COL21A1: variants seen among roughly 807,000 people sequenced by gnomAD.
COL21A1 encodes the protein collagen alpha-1(XXI) chain.
A neutral mutation model predicts 137.9 loss-of-function variants in COL21A1; 149 were observed. That is an observed-to-expected ratio of 1.08 (90% confidence interval 0.95 to 1.24). The LOEUF is 1.24. Ranked by LOEUF, COL21A1 falls within the 50% of genes most tolerant of loss-of-function variation. COL21A1 has a pLI of 0.00. For synonymous variants in COL21A1, 456 were observed against 391.5 expected (o/e 1.16, Z -1.95); for missense variants, 1,167 against 1,158.4 (o/e 1.01, Z -0.11).
At chr6:56,078,333 G>C (rs1767425825) in intron 17 of COL21A1, 1 of 409,686 alleles carries the variant, frequency 2.4e-6, no homozygotes, top group Admixed American at 2.8e-5. Flanking sequence ...AACAGTGATT[G>C]TACTAATCAA....
At position 56,164,510 on chromosome 6, in the gene COL21A1, T is replaced by C. The variant is rs1776425845; in HGVS notation, c.1288-4A>G. On this transcript the variant is annotated splice_polypyrimidine_tract_variant and splice_region_variant and intron_variant, in intron 8 of 29. Coordinates refer to ENST00000244728, the MANE Select transcript of COL21A1 (RefSeq NM_030820.4). Reference sequence around the variant, plus strand: ...CATCACTGGGACCATTAAGGCACTATAAAGACAAAAATGGAAACAGACAAC... The same window carrying C: ...CATCACTGGGACCATTAAGGCACTACAAAGACAAAAATGGAAACAGACAAC... The C allele has an allele frequency of 6.4e-7, 1 of 1,571,746 alleles. No homozygotes were observed. The highest frequency in any genetic ancestry group is 8.7e-7 in the Non-Finnish European group (1 of 1,155,236).
chr6:56,289,259 G>T (rs4455670), intron 1 of COL21A1, among the ~76,000 whole-genome samples: 21,802 of 152,132 alleles, frequency 0.14, 3,774 homozygotes, highest in African/African-American at 0.42. Context: ...CGATAAACAT[G>T]TCAGCTTTCT....
chr6:56,239,881 G>T (rs928897949), intron 1 of COL21A1, among the ~76,000 whole-genome samples: 1 of 152,164 alleles, frequency 6.6e-6, no homozygotes, highest in Non-Finnish European at 1.5e-5. Context: ...GGTATGGTTT[G>T]CCTGTGTCCC....
intron 1 of COL21A1, among the ~76,000 whole-genome samples, chr6:56,183,904 A>G (rs1778085263): frequency 6.6e-6 from 1 of 152,206 alleles, no homozygotes; most frequent in South Asian, 2.1e-4. Context: ...CAAACATCAG[A>G]AAATGGTTTA....
intron 1 of COL21A1, among the ~76,000 whole-genome samples, chr6:56,350,820 C>A (rs1765697130): frequency 6.6e-6 from 1 of 152,178 alleles, no homozygotes; most frequent in Non-Finnish European, 1.5e-5. Flanking sequence ...AGCGTTAGTG[C>A]GAAATGCCCA....
intron 1 of COL21A1, among the ~76,000 whole-genome samples, chr6:56,378,469 T>C (rs1362027378): frequency 2.6e-5 from 4 of 152,178 alleles, no homozygotes; most frequent in Admixed American, 6.5e-5. Context: ...GCCGAGGCAG[T>C]GGCCACAGGT....
intron 9 of COL21A1, 96 bp from the exon 10 acceptor site, chr6:56,157,045 A>C (rs933429696): frequency 1.1e-5 from 8 of 734,288 alleles, no homozygotes; most frequent in Non-Finnish European, 1.7e-5. Context: ...CCATTATTTG[A>C]GGTTTTTTGT....
At chr6:56,153,599 CCT>C (rs767221849) in intron 10 of COL21A1, among the ~76,000 whole-genome samples, 6 of 151,906 alleles carry the variant, frequency 3.9e-5, no homozygotes, top group Non-Finnish European at 8.8e-5. Flanking sequence ...TTCTTATCTC[CCT>C]CTCTGTGCTT....
intron 1 of COL21A1, among the ~76,000 whole-genome samples, chr6:56,304,678 A>C (rs1764393403): frequency 6.6e-6 from 1 of 152,118 alleles, no homozygotes; most frequent in Non-Finnish European, 1.5e-5. Context: ...CTTTTCAAAA[A>C]ACCAGCTCCT....
At position 56,076,249 on chromosome 6, in the gene COL21A1, G is replaced by A. The variant is rs146078779; in HGVS notation, c.1858-717C>T. ...ATGATGACTCAGCACTTTCAAATGG[G>A]GCTGAAATGGTATCCATGGCTACCA... On this transcript the variant is annotated intron_variant, in intron 18 of 29. Transcript: ENST00000244728. 1.2e-3 allele frequency among the ~76,000 whole-genome samples: 175 copies of A among 151,434 alleles called. 1 individual carries two copies. The East Asian group carries it at 0.027, about 23-fold the overall frequency.
At chr6:56,167,733 A>T (rs530845941) in intron 6 of COL21A1, among the ~76,000 whole-genome samples, 1 of 152,324 alleles carries the variant, frequency 6.6e-6, no homozygotes, top group South Asian at 2.1e-4. Flanking sequence ...AAGAACCCTG[A>T]CATGAATTAA....
intron 1 of COL21A1, among the ~76,000 whole-genome samples, chr6:56,274,420 T>C (rs1763593653): frequency 3.3e-5 from 5 of 152,098 alleles, no homozygotes; most frequent in Admixed American, 3.3e-4. Flanking sequence ...AAAGAAGAAA[T>C]GAAACTATCT....
At chr6:56,220,641 GAA>G (rs200735502) in intron 1 of COL21A1, among the ~76,000 whole-genome samples, 2,245 of 152,256 alleles carry the variant, frequency 0.015, 46 homozygotes, top group African/African-American at 0.049. Flanking sequence ...ACTTATCCGA[GAA>G]GAGGAAACTT....
At chr6:56,186,454 C>CA (rs1778309603) in intron 1 of COL21A1, among the ~76,000 whole-genome samples, 1 of 152,156 alleles carries the variant, frequency 6.6e-6, no homozygotes. Flanking sequence ...GCTAAGGATA[C>CA]ATTCTCATAC....
At chr6:56,149,517 C>T (rs111651630) in intron 10 of COL21A1, among the ~76,000 whole-genome samples, 21 of 152,272 alleles carry the variant, frequency 1.4e-4, no homozygotes, top group African/African-American at 5.1e-4. Context: ...AAGAAGAGAA[C>T]TCATCCTAAA....
At chr6:56,350,916 T>C (rs1351169703) in intron 1 of COL21A1, among the ~76,000 whole-genome samples, 1 of 152,238 alleles carries the variant, frequency 6.6e-6, no homozygotes, top group Non-Finnish European at 1.5e-5. Flanking sequence ...ACTTGCATAA[T>C]GTAACATTAG....
intron 12 of COL21A1, among the ~76,000 whole-genome samples, chr6:56,131,149 A>G (rs1345800972): frequency 6.6e-6 from 1 of 152,032 alleles, no homozygotes; most frequent in Non-Finnish European, 1.5e-5. Flanking sequence ...GCAATGAAAA[A>G]CAATTACTGA....
intron 1 of COL21A1, among the ~76,000 whole-genome samples, chr6:56,290,238 C>T (rs915774358): frequency 8.6e-5 from 13 of 152,014 alleles, no homozygotes; most frequent in African/African-American, 2.9e-4. Context: ...CAGGGTTTCT[C>T]AGCCTTAGCA....
At chr6:56,358,339 T>TAA (rs904337670) in intron 1 of COL21A1, among the ~76,000 whole-genome samples, 1 of 148,050 alleles carries the variant, frequency 6.8e-6, no homozygotes, top group African/African-American at 2.5e-5. Flanking sequence ...TTTTAATATG[T>TAA]AAAAAAAAAA....
Sources: allele counts gnomAD v4.1 joint callset (sites outside exome capture counted in the v4.1 genomes callset), GRCh38; gene constraint gnomAD v4.1.1; transcripts MANE v1.5; gene names NCBI Gene and HGNC (gene_info 2026-07-23, HGNC 2026-07-21).